The following UBR1 variants were observed in gnomAD, a reference collection of about 807,000 sequenced individuals.
The protein encoded by UBR1 is E3 ubiquitin-protein ligase UBR1.
Under a neutral mutation model 242.1 loss-of-function variants are expected in UBR1, and 102 were observed. The ratio of observed to expected loss-of-function variants is 0.42; its 90% CI spans 0.36 to 0.50. The LOEUF is 0.50. Ranked by LOEUF, UBR1 falls within the 20% of genes least tolerant of loss-of-function variation. The pLI, the probability that UBR1 is intolerant of heterozygous loss-of-function variation, is 0.01. For synonymous variants in UBR1, 675 were observed against 684.8 expected, an observed-to-expected ratio of 0.99 and a Z score of 0.22; for missense variants, 1,772 against 2,101.8, an observed-to-expected ratio of 0.84 and a Z score of 3.07.
At chr15:43,038,411 C>T (rs2033366443) in intron 15 of UBR1, among the ~76,000 whole-genome samples, 179 bp from the exon 16 acceptor site, 1 of 152,080 alleles carries the variant, frequency 6.6e-6, no homozygotes, top group Admixed American at 6.6e-5. Flanking sequence ...GAGTTCAAGA[C>T]CAGCCTGGCC....
chr15:43,077,182 T>C (rs1247569728), intron 3 of UBR1, among the ~76,000 whole-genome samples: 1 of 138,356 alleles, frequency 7.2e-6, no homozygotes, highest in African/African-American at 2.7e-5. Context: ...TGGGCCATGA[T>C]GACAATGGCG....
chr15:43,038,334 C>A (rs573125383), intron 15 of UBR1, 102 bp from the exon 16 acceptor site: 5 of 1,156,720 alleles, frequency 4.3e-6, no homozygotes, highest in Non-Finnish European at 6.4e-6. Context: ...TTTGGCTGGG[C>A]GCGGTGGCTC....
chr15:42,972,570 C>T (rs922838469), intron 39 of UBR1, among the ~76,000 whole-genome samples: 3 of 152,050 alleles, frequency 2.0e-5, no homozygotes, highest in African/African-American at 7.2e-5. Flanking sequence ...GGGATTTCAC[C>T]ATGCTGGCCA....
chr15:43,079,187 C>G (rs1355956843), intron 3 of UBR1, among the ~76,000 whole-genome samples: 7 of 152,124 alleles, frequency 4.6e-5, no homozygotes, highest in African/African-American at 1.7e-4. Context: ...AAACCACAGA[C>G]CAGGCACAGT....
chr15:43,073,980 T>C (rs1263884369), intron 4 of UBR1, among the ~76,000 whole-genome samples: 1 of 152,256 alleles, frequency 6.6e-6, no homozygotes, highest in African/African-American at 2.4e-5. Flanking sequence ...TCCTTGAAGT[T>C]GTGAAATAAT....
rs2031694137 is a variant in UBR1 at position 42,944,117 on chromosome 15, C to T, written c.*1212G>A. The T allele has an allele frequency of 6.6e-6, 1 of 152,260 alleles. No individual in the cohort carries two copies. Among genetic ancestry groups the T allele is most frequent in the Non-Finnish European group, 1.5e-5 (1 of 68,040 alleles). The allele number at this position is 152,260 out of a possible 1,614,324, so 9.4% of individuals were successfully genotyped here. On this transcript the variant is annotated 3_prime_UTR_variant, in exon 47 of 47. Transcript: ENST00000290650. Reference sequence around the variant, plus strand: ...TTGAATGCATCTTTCAAGGTTCTAACATTACCCCAGAAACAACGTAAGTTA... The same window carrying T: ...TTGAATGCATCTTTCAAGGTTCTAATATTACCCCAGAAACAACGTAAGTTA...
At chr15:43,025,458 T>G in intron 23 of UBR1, 29 bp from the exon 24 acceptor site, 1 of 1,536,796 alleles carries the variant, frequency 6.5e-7, no homozygotes, top group South Asian at 1.1e-5. Flanking sequence ...TTAAATATAC[T>G]GCTTTGGAAG....
At chr15:43,069,964 A>G (rs2033804397) in intron 5 of UBR1, among the ~76,000 whole-genome samples, 1 of 152,216 alleles carries the variant, frequency 6.6e-6, no homozygotes, top group Non-Finnish European at 1.5e-5. Flanking sequence ...TTAGCCTAAT[A>G]AGAGTCAAAA....
At chr15:43,019,878 A>G (rs971807672) in intron 27 of UBR1, among the ~76,000 whole-genome samples, 2 of 151,144 alleles carry the variant, frequency 1.3e-5, no homozygotes, top group African/African-American at 4.9e-5. Flanking sequence ...TGCTGGGATT[A>G]CAGGCGTGAG....
chr15:43,006,627 T>C (rs2032834859), intron 30 of UBR1, among the ~76,000 whole-genome samples: 1 of 152,202 alleles, frequency 6.6e-6, no homozygotes, highest in African/African-American at 2.4e-5. Flanking sequence ...CCTGATGTAA[T>C]AAGTGCAATA....
At chr15:43,048,555 A>C in intron 12 of UBR1, 64 bp from the exon 13 acceptor site, 1 of 1,281,702 alleles carries the variant, frequency 7.8e-7, no homozygotes, top group Non-Finnish European at 1.1e-6. Flanking sequence ...TAAGGTTCTC[A>C]GGGTTATAGA....
Position 43,022,713 on chromosome 15 carries a change from T to C in UBR1, c.2828A>G (p.His943Arg), listed in dbSNP as rs767015627. The C allele has an allele frequency of 6.2e-7, 1 of 1,610,062 alleles. No individual in the cohort carries two copies. Among genetic ancestry groups the C allele is most frequent in the Admixed American group, 1.7e-5 (1 of 59,990 alleles). Residue 943 changes from histidine (H) to arginine (R), a missense_variant, in exon 26 of 47, where the codon CAT (histidine) becomes CGT (arginine). By Grantham distance (29) the His-to-Arg change is conservative. Transcript: ENST00000290650. ...PEEEVTFDFYHKASRLGSSAM... is the reference protein window; with the variant it reads ...PEEEVTFDFYRKASRLGSSAM... Reference sequence around the variant, plus strand: ...ATACTCAAACATACTTGAAGCCTTATGATAAAAGTCAAATGTTACTTCTTC... The same window carrying C: ...ATACTCAAACATACTTGAAGCCTTACGATAAAAGTCAAATGTTACTTCTTC...
chr15:43,019,895 T>A (rs1050501361), intron 27 of UBR1, among the ~76,000 whole-genome samples: 1 of 151,838 alleles, frequency 6.6e-6, no homozygotes, highest in African/African-American at 2.4e-5. Context: ...TGAGCCACCG[T>A]GCCTGGCCGG....
chr15:42,945,751 C>T (rs1397732391), intron 46 of UBR1, among the ~76,000 whole-genome samples: 1 of 152,170 alleles, frequency 6.6e-6, no homozygotes, highest in Non-Finnish European at 1.5e-5. Flanking sequence ...AGGTTTATAA[C>T]TTGAAGCAGC....
chr15:43,095,015 T>C (rs543134777), intron 1 of UBR1, among the ~76,000 whole-genome samples: 40 of 152,312 alleles, frequency 2.6e-4, no homozygotes, highest in African/African-American at 9.6e-4. Context: ...CATGCCCCAA[T>C]TTTTTAGGCT....
At chr15:42,955,856 G>A (rs1013816659) in intron 44 of UBR1, among the ~76,000 whole-genome samples, 3 of 152,178 alleles carry the variant, frequency 2.0e-5, no homozygotes, top group Non-Finnish European at 4.4e-5. Context: ...ATTTTATCAT[G>A]TAGACACATG....
intron 41 of UBR1, among the ~76,000 whole-genome samples, chr15:42,965,193 T>C (rs2032085419): frequency 6.6e-6 from 1 of 152,206 alleles, no homozygotes; most frequent in African/African-American, 2.4e-5. Context: ...GAGTTCAAGA[T>C]AAAGAAGCTG....
intron 32 of UBR1, among the ~76,000 whole-genome samples, chr15:42,998,976 C>T (rs1182351330): frequency 2.3e-5 from 3 of 130,300 alleles, no homozygotes; most frequent in African/African-American, 5.5e-5. Flanking sequence ...CTCACTCTGT[C>T]GCCAGGCTGG....
intron 23 of UBR1, chr15:43,026,238 CAAAAACAAAAACA>C: frequency 3.8e-6 from 1 of 265,262 alleles, no homozygotes; most frequent in South Asian, 4.1e-5. Context: ...TTTCACAAAA[CAAAAACAAAAACA>C]AAAAACAAAA....
Sources: allele counts gnomAD v4.1 joint callset (sites outside exome capture counted in the v4.1 genomes callset), GRCh38; gene constraint gnomAD v4.1.1; transcripts MANE v1.5; gene names NCBI Gene and HGNC (gene_info 2026-07-23, HGNC 2026-07-21).